The following FRA10AC1 variants were observed in gnomAD, a reference collection of about 807,000 sequenced individuals.
FRA10AC1 encodes the protein FRA10A associated CGG repeat 1, also known as protein FRA10AC1.
In FRA10AC1, 43 loss-of-function variants were observed where a neutral mutation model predicts 56.5. The ratio of observed to expected loss-of-function variants is 0.76; its 90% CI spans 0.60 to 0.98. The LOEUF (loss-of-function observed/expected upper bound fraction) is 0.98. FRA10AC1 is among the 50% of genes least tolerant of loss of function. The pLI is 0.00. For synonymous variants in FRA10AC1, 112 were observed against 110.5 expected, an observed-to-expected ratio of 1.01 and a Z score of -0.09; for missense variants, 346 against 351.8, an observed-to-expected ratio of 0.98 and a Z score of 0.13.
chr10:93,691,982 C>A (rs960233125), intron 7 of FRA10AC1, 27 bp downstream of exon 7: 1 of 1,558,254 alleles, frequency 6.4e-7, no homozygotes, highest in Non-Finnish European at 8.7e-7. Context: ...ATAAGAACCT[C>A]TTTCCATAAA....
intron 6 of FRA10AC1, among the ~76,000 whole-genome samples, 182 bp downstream of exon 6, chr10:93,692,464 G>A (rs1050366856): frequency 3.9e-5 from 6 of 152,146 alleles, no homozygotes; most frequent in Non-Finnish European, 7.4e-5. Flanking sequence ...GTCAAACAAT[G>A]AGAAGTCAGT....
intron 5 of FRA10AC1, 26 bp downstream of exon 5, chr10:93,694,835 T>G: frequency 7.2e-7 from 1 of 1,385,562 alleles, no homozygotes; most frequent in Non-Finnish European, 1.0e-6. Flanking sequence ...CCACATTCCC[T>G]TCTATGTAAA....
chr10:93,702,949 G>C (rs1355201193), upstream of FRA10AC1: 2 of 455,508 alleles, frequency 4.4e-6, no homozygotes, highest in Non-Finnish European at 8.8e-6. Context: ...CAGCGCTTCA[G>C]ATCAGCCTCT....
chr10:93,688,496 G>A (rs1020609679), intron 7 of FRA10AC1, among the ~76,000 whole-genome samples: 2 of 152,192 alleles, frequency 1.3e-5, no homozygotes, highest in Middle Eastern at 3.4e-3. Flanking sequence ...CCTAATGTAA[G>A]CTATGGACTT....
chr10:93,693,648 A>G, intron 5 of FRA10AC1, among the ~76,000 whole-genome samples: 1 of 143,438 alleles, frequency 7.0e-6, no homozygotes, highest in South Asian at 2.2e-4. Context: ...TACACACCAT[A>G]TATATATACC....
chr10:93,694,629 G>A (rs1049895594), intron 5 of FRA10AC1, among the ~76,000 whole-genome samples: 12 of 146,870 alleles, frequency 8.2e-5, no homozygotes, highest in Non-Finnish European at 1.6e-4. Context: ...TAGGAGAATC[G>A]CTTGAACCAC....
upstream of FRA10AC1, chr10:93,702,704 G>A (rs2059365554): frequency 4.2e-6 from 1 of 235,558 alleles, no homozygotes; most frequent in Non-Finnish European, 8.5e-6. Flanking sequence ...GAAACGGCCC[G>A]GAAAGGGACG....
chr10:93,685,126 A>G, intron 9 of FRA10AC1, 120 bp downstream of exon 9: 1 of 604,438 alleles, frequency 1.7e-6, no homozygotes, highest in Non-Finnish European at 2.9e-6. Context: ...AAGCTCCAAG[A>G]AAAAAGAGCA....
chr10:93,672,513 G>A (rs2058778431), intron 12 of FRA10AC1: 1 of 153,762 alleles, frequency 6.5e-6, no homozygotes, highest in South Asian at 2.0e-4. Context: ...GCCTAGCAAG[G>A]TTATTACTAT....
At chr10:93,675,025 AG>A (rs2058819952) in intron 12 of FRA10AC1, 1 of 152,208 alleles carries the variant, frequency 6.6e-6, no homozygotes, top group Non-Finnish European at 1.5e-5. Flanking sequence ...TACCTAATTT[AG>A]GAAAGGACCT....
Position 93,702,578 on chromosome 10 carries a change from CTG to C in FRA10AC1, c.-206_-205del. 4.4e-6 allele frequency: 1 copy of C among 229,264 alleles called. No homozygotes were observed. The highest frequency in any genetic ancestry group is 8.5e-6 in the Non-Finnish European group (1 of 117,396). 14.2% of individuals were successfully genotyped at this position (229,264 alleles called of 1,614,324 possible). On this transcript the variant is annotated 5_prime_UTR_variant, in exon 1 of 14. Coordinates refer to ENST00000359204, the MANE Select transcript of FRA10AC1 (RefSeq NM_145246.5). ...ACCCGCCTCTCCCTACGGGTCCCGACTGGGCACCACTTCCGGTCCGACACGGC... is the reference window on the plus strand; with the variant it reads ...ACCCGCCTCTCCCTACGGGTCCCGACGGCACCACTTCCGGTCCGACACGGC...
chr10:93,700,252 A>G (rs1422248594), intron 1 of FRA10AC1, 146 bp from the exon 2 acceptor site: 81 of 512,022 alleles, frequency 1.6e-4, no homozygotes, highest in Non-Finnish European at 5.1e-5. Context: ...CCATCTAGCC[A>G]TCTAAAACTT....
intron 12 of FRA10AC1, chr10:93,671,823 T>TTA (rs760313675): frequency 9.4e-6 from 3 of 319,160 alleles, no homozygotes; most frequent in Non-Finnish European, 1.8e-5. Flanking sequence ...CTGATTATAT[T>TTA]ACCTGTGGGC....
chr10:93,688,644 G>A (rs2059072047), intron 7 of FRA10AC1, among the ~76,000 whole-genome samples: 1 of 152,042 alleles, frequency 6.6e-6, no homozygotes, highest in Non-Finnish European at 1.5e-5. Context: ...GCTCAATTTT[G>A]TTGTAAACCT....
chr10:93,669,631 G>T lies in FRA10AC1; in HGVS notation c.*195C>A. 2 of 558,768 alleles carry T rather than the reference G, an allele frequency of 3.6e-6. No individual in the cohort carries two copies. The highest frequency in any genetic ancestry group is 3.2e-6 in the Non-Finnish European group (1 of 313,278). 34.6% of individuals were successfully genotyped at this position (558,768 alleles called of 1,614,324 possible). ...TAAGCAATTGAAAAGATATTTAAAG[G>T]ACAGGAAAGTCTTTAATTGAACTAA... On this transcript the variant is annotated 3_prime_UTR_variant, in exon 14 of 14. Transcript: ENST00000359204.
Position 93,692,002 on chromosome 10 carries a change from A to C in FRA10AC1, c.465+7T>G. On this transcript the variant is annotated splice_region_variant and intron_variant, in intron 7 of 13. Transcript: ENST00000359204. ...AACCTCTTTCCATAAATATGTGGAA[A>C]GCATACCTTATTTTCTTTATATTTA... 1 of 1,566,996 alleles carries C rather than the reference A, an allele frequency of 6.4e-7. No homozygotes were observed. The highest frequency in any genetic ancestry group is 8.6e-7 in the Non-Finnish European group (1 of 1,158,780).
In FRA10AC1 at chr10:93,700,232, T is replaced by C. The variant is rs2059308059; in HGVS notation, c.1-126A>G. ...TAAAGGATCATTGTGGGCAGATTCC[T>C]ATTCACAGGCCATCTAGCCATCTAA... is the stretch of plus-strand genomic sequence containing the variant. On this transcript the variant is annotated intron_variant, in intron 1 of 13. Transcript: ENST00000359204. 5.9e-5 allele frequency: 33 copies of C among 559,126 alleles called. No homozygotes were observed. The South Asian group carries it at 9.2e-4, about 16-fold the overall frequency. The allele number at this position is 559,126 out of a possible 1,614,324, so 34.6% of individuals were successfully genotyped here.
At chr10:93,697,643 G>A (rs1031521200) in intron 4 of FRA10AC1, among the ~76,000 whole-genome samples, 2 of 152,122 alleles carry the variant, frequency 1.3e-5, no homozygotes, top group African/African-American at 4.8e-5. Context: ...TTTAAGTCAT[G>A]CCTAAAAATT....
chr10:93,677,806 A>T (rs2060507091), intron 11 of FRA10AC1, among the ~76,000 whole-genome samples: 1 of 152,192 alleles, frequency 6.6e-6, no homozygotes, highest in Non-Finnish European at 1.5e-5. Context: ...AGTTGCTAAC[A>T]AGTTCCTAAA....
Sources: gnomAD v4.1 joint callset for allele counts (sites outside exome capture counted in the v4.1 genomes callset) on GRCh38, gnomAD v4.1.1 for gene constraint, MANE v1.5 for transcripts, NCBI Gene and HGNC (gene_info 2026-07-23, HGNC 2026-07-21) for gene names.